The following GAB1 variants were observed in gnomAD, a reference collection of about 807,000 sequenced individuals.
GAB1 encodes GRB2 associated binding protein 1, also known as GRB2-associated-binding protein 1.
GAB1 carries 19 observed loss-of-function variants against 66.5 expected under a neutral mutation model. That is an observed-to-expected ratio of 0.29 (90% CI 0.20 to 0.42). The LOEUF (loss-of-function observed/expected upper bound fraction) is 0.42, where lower values mean the gene tolerates loss of function less well. Among genes scored for constraint, GAB1 ranks in the 10% least tolerant of loss-of-function variants. GAB1 has a pLI of 1.00. For missense variants in GAB1, 732 were observed against 858.5 expected (o/e 0.85, Z 1.84); for synonymous variants, 294 against 301.4 (o/e 0.98, Z 0.25).
chr4:143,379,590 G>A (rs1034860654), intron 1 of GAB1, among the ~76,000 whole-genome samples: 2 of 152,034 alleles, frequency 1.3e-5, no homozygotes, highest in African/African-American at 2.4e-5. Context: ...TAGATTGACC[G>A]GCTGATCGAT....
intron 1 of GAB1, among the ~76,000 whole-genome samples, chr4:143,348,262 T>A (rs927857883): frequency 2.6e-5 from 4 of 152,254 alleles, no homozygotes; most frequent in Non-Finnish European, 5.9e-5. Flanking sequence ...ATTTGAGTAC[T>A]CTTTCTCAGC....
At position 143,439,791 on chromosome 4, in the gene GAB1, C is replaced by T; in HGVS notation, c.1196-11C>T. 6.3e-7 allele frequency: 1 copy of T among 1,592,328 alleles called. No homozygotes were observed. Among genetic ancestry groups the T allele is most frequent in the South Asian group, 1.1e-5 (1 of 90,572 alleles). ...TGGGAATAAATGTTGATAGTTTGTT[C>T]TTTATTTTAGATGCTAGTTCTCAAG... On this transcript the variant is annotated splice_polypyrimidine_tract_variant and intron_variant, in intron 4 of 9. Transcript: ENST00000262994.
intron 6 of GAB1, among the ~76,000 whole-genome samples, chr4:143,453,110 G>A (rs778670797): frequency 6.6e-6 from 1 of 151,930 alleles, no homozygotes; most frequent in Non-Finnish European, 1.5e-5. Context: ...TTTCATTTCT[G>A]TCTGGAACAT....
At chr4:143,430,682 A>G (rs1051047084) in intron 2 of GAB1, among the ~76,000 whole-genome samples, 1 of 152,142 alleles carries the variant, frequency 6.6e-6, no homozygotes, top group Non-Finnish European at 1.5e-5. Context: ...AAAAGCAGAA[A>G]CCTTTTATAA....
chr4:143,472,385 T>TAA lies in GAB1; in HGVS notation c.*3197_*3198dup, dbSNP rs1321535264. ...AATTTCTGCTGGACTCTTTTATATTTAATTAATGGGGATTATAGTCTTCCT... is the reference window on the plus strand; with the variant it reads ...AATTTCTGCTGGACTCTTTTATATTTAAAATTAATGGGGATTATAGTCTTCCT... On this transcript the variant is annotated 3_prime_UTR_variant, in exon 10 of 10. Coordinates refer to ENST00000262994, the MANE Select transcript of GAB1 (RefSeq NM_002039.4). The TAA allele has an allele frequency of 6.6e-6, 1 of 152,204 alleles. No homozygotes were observed. The highest frequency in any genetic ancestry group is 2.4e-5 in the African/African-American group (1 of 41,462). The allele number at this position is 152,204 out of a possible 1,614,324, so 9.4% of individuals were successfully genotyped here. A position where few individuals can be genotyped will look rare whatever the true frequency, so the allele number is the denominator to read the frequency against.
At chr4:143,372,683 G>A (rs1305300824) in intron 1 of GAB1, among the ~76,000 whole-genome samples, 1 of 152,196 alleles carries the variant, frequency 6.6e-6, no homozygotes, top group Non-Finnish European at 1.5e-5. Context: ...TTATTGTCAA[G>A]CTGAGCCTGG....
At chr4:143,351,569 C>T (rs911891858) in intron 1 of GAB1, among the ~76,000 whole-genome samples, 6 of 152,286 alleles carry the variant, frequency 3.9e-5, no homozygotes, top group East Asian at 3.9e-4. Context: ...CTTTCGGCGG[C>T]AAGGCTGGAG....
intron 1 of GAB1, among the ~76,000 whole-genome samples, chr4:143,411,482 T>G (rs1473060081): frequency 6.6e-6 from 1 of 152,252 alleles, no homozygotes; most frequent in African/African-American, 2.4e-5. Flanking sequence ...TGTGAATTTC[T>G]TTTAAAATTA....
At position 143,459,477 on chromosome 4, in the gene GAB1, G is replaced by T; in HGVS notation, c.1678G>T (p.Asp560Tyr). The T allele has an allele frequency of 6.7e-7, 1 of 1,497,358 alleles. No homozygotes were observed. Among genetic ancestry groups the T allele is most frequent in the Non-Finnish European group, 9.3e-7 (1 of 1,073,980 alleles). The allele number at this position is 1,497,358 out of a possible 1,614,324, so 92.8% of individuals were successfully genotyped here. ...RSPITRSFAR[D>Y]SSRFPMSPRP... ...TCCCATCACTAGGAGTTTTGCTCGA[G>T]AGTAAGTCCTTTGTCTAAAATATGT... is the stretch of plus-strand genomic sequence containing the variant. Residue 560 changes from aspartate (D) to tyrosine (Y), a missense_variant and splice_region_variant, in exon 7 of 10, where the codon GAC becomes TAC. This residue lies in a region of GAB1 where 204 missense variants were observed against 276.8 expected (regional missense o/e 0.74). Transcript: ENST00000262994.
chr4:143,339,680 G>A (rs1396372537), intron 1 of GAB1, among the ~76,000 whole-genome samples: 3 of 152,188 alleles, frequency 2.0e-5, no homozygotes, highest in South Asian at 2.1e-4. Context: ...TTGGGACCAC[G>A]AGACAAGTAT....
intron 1 of GAB1, among the ~76,000 whole-genome samples, chr4:143,372,783 G>A (rs6828800): frequency 0.028 from 4,195 of 152,208 alleles, 201 homozygotes; most frequent in African/African-American, 0.097. Context: ...GCTGAAGAAA[G>A]CCATCATATT....
chr4:143,456,445 A>G (rs1735196589), intron 6 of GAB1, among the ~76,000 whole-genome samples: 1 of 134,742 alleles, frequency 7.4e-6, no homozygotes, highest in Non-Finnish European at 1.6e-5. Flanking sequence ...CGACTGAGAG[A>G]GACTCCGTCT....
intron 6 of GAB1, chr4:143,457,857 C>A: frequency 1.5e-6 from 1 of 678,648 alleles, no homozygotes; most frequent in Non-Finnish European, 2.4e-6. Flanking sequence ...TAAAGAAGAA[C>A]CTTAAATACT....
chr4:143,458,042 A>T (rs1026965913), intron 6 of GAB1, among the ~76,000 whole-genome samples: 2 of 152,086 alleles, frequency 1.3e-5, no homozygotes, highest in Non-Finnish European at 2.9e-5. Flanking sequence ...ACAACATTTT[A>T]TCCTTTCAGT....
chr4:143,384,483 T>A (rs1376883243), intron 1 of GAB1, among the ~76,000 whole-genome samples: 1 of 152,206 alleles, frequency 6.6e-6, no homozygotes, highest in Non-Finnish European at 1.5e-5. Flanking sequence ...TGAACTTGAC[T>A]TTCCTTGAGT....
At chr4:143,459,209 A>T (rs1735355646) in intron 6 of GAB1, among the ~76,000 whole-genome samples, 176 bp from the exon 7 acceptor site, 1 of 152,152 alleles carries the variant, frequency 6.6e-6, no homozygotes, top group Non-Finnish European at 1.5e-5. Flanking sequence ...CTAATTACTT[A>T]GCTATGTAAC....
At chr4:143,387,818 C>T (rs1277768382) in intron 1 of GAB1, among the ~76,000 whole-genome samples, 3 of 152,186 alleles carry the variant, frequency 2.0e-5, no homozygotes, top group Non-Finnish European at 4.4e-5. Context: ...GGTCCTCCCG[C>T]TCCTTGATCC....
intron 1 of GAB1, 117 bp downstream of exon 1, chr4:143,337,377 C>T: frequency 2.3e-6 from 2 of 852,956 alleles, no homozygotes; most frequent in African/African-American, 1.7e-5. Context: ...GAATGCCGGT[C>T]TCTTTCCCCT....
intron 1 of GAB1, among the ~76,000 whole-genome samples, chr4:143,398,926 G>T (rs553224911): frequency 6.6e-6 from 1 of 152,118 alleles, no homozygotes; most frequent in East Asian, 1.9e-4. Context: ...AGTAAAATGG[G>T]CAGTTGGTTT....
Sources: gnomAD v4.1 joint callset for allele counts (sites outside exome capture counted in the v4.1 genomes callset) on GRCh38, gnomAD v4.1.1 for gene constraint, gnomAD v4.1.1 regional missense constraint, MANE v1.5 for transcripts, NCBI Gene and HGNC (gene_info 2026-07-23, HGNC 2026-07-21) for gene names.